The following PRDM15 variants were observed in gnomAD, a reference collection of about 807,000 sequenced individuals.
The protein encoded by PRDM15 is PR/SET domain 15, also known as PR domain zinc finger protein 15.
Under a neutral mutation model 128.6 loss-of-function variants are expected in PRDM15, and 64 were observed. The ratio of observed to expected loss-of-function variants is 0.50; its 90% CI spans 0.41 to 0.61. The LOEUF is 0.61. Ranked by LOEUF, PRDM15 falls within the 20% of genes least tolerant of loss-of-function variation. The pLI is 0.00. For missense variants in PRDM15, 1,242 were observed against 1,569.1 expected (o/e 0.79, Z 3.52); for synonymous variants, 615 against 621.8 (o/e 0.99, Z 0.16).
At chr21:41,816,283 T>C (rs2062049445) in intron 18 of PRDM15, among the ~76,000 whole-genome samples, 1 of 152,208 alleles carries the variant, frequency 6.6e-6, no homozygotes, top group South Asian at 2.1e-4. Context: ...CTTAAGAAGC[T>C]GAAATACTCC....
chr21:41,845,355 G>A (rs926551713), intron 6 of PRDM15, among the ~76,000 whole-genome samples: 5 of 145,598 alleles, frequency 3.4e-5, no homozygotes, highest in Non-Finnish European at 7.5e-5. Context: ...CCCGTTCACA[G>A]GCCGGCCTTT....
chr21:41,875,573 C>G (rs376712450), intron 1 of PRDM15, among the ~76,000 whole-genome samples: 5 of 152,236 alleles, frequency 3.3e-5, no homozygotes, highest in African/African-American at 7.2e-5. Flanking sequence ...AATCTAGGCA[C>G]GGTGACGTGA....
chr21:41,827,983 C>T (rs2062528086), intron 12 of PRDM15, among the ~76,000 whole-genome samples, 183 bp downstream of exon 12: 1 of 152,200 alleles, frequency 6.6e-6, no homozygotes, highest in Non-Finnish European at 1.5e-5. Context: ...GTCTCAGCAA[C>T]TTACTCTCCT....
rs758903676 is a variant in PRDM15 at position 41,815,862 on chromosome 21, C to T, written c.2261-26G>A. 7.5e-6 allele frequency: 12 copies of T among 1,609,356 alleles called. No individual in the cohort carries two copies. The Middle Eastern group carries it at 5.0e-4, about 66-fold the overall frequency. ...CTTCAAGGACACAGCGAGTCAGAGG[C>T]GGCCACACCCCCACGCAGCCCACCT... On this transcript the variant is annotated intron_variant, in intron 18 of 23. Transcript: ENST00000398548.
intron 19 of PRDM15, chr21:41,812,075 G>C (rs1301576777): frequency 6.6e-6 from 1 of 152,194 alleles, no homozygotes; most frequent in African/African-American, 2.4e-5. Flanking sequence ...ACCAGAGGTG[G>C]CAATTGCTCC....
At chr21:41,833,638 G>A (rs886558423) in intron 11 of PRDM15, among the ~76,000 whole-genome samples, 5 of 152,144 alleles carry the variant, frequency 3.3e-5, no homozygotes, top group African/African-American at 4.8e-5. Context: ...AGTCTAAAAC[G>A]GGTAACCTTT....
rs542333255 is a variant in PRDM15, at chr21:41,849,138, A to T, written c.539-1947T>A. Among the ~76,000 whole-genome samples, 8 of 152,264 alleles carry T rather than the reference A, an allele frequency of 5.3e-5. No individual in the cohort carries two copies. In the South Asian group the frequency reaches 1.7e-3, roughly 31 times the overall value. Reference sequence around the variant, plus strand: ...AACAAACAAACAAAAAAGGAACAGCAAAGCTACAGCACAGCAAACAGCCTG... The same window carrying T: ...AACAAACAAACAAAAAAGGAACAGCTAAGCTACAGCACAGCAAACAGCCTG... On this transcript the variant is annotated intron_variant, in intron 5 of 23. Coordinates refer to ENST00000398548, the MANE Select transcript of PRDM15 (RefSeq NM_001040424.3).
chr21:41,877,767 G>C (rs936934672), intron 1 of PRDM15, among the ~76,000 whole-genome samples: 3 of 152,192 alleles, frequency 2.0e-5, no homozygotes, highest in South Asian at 4.1e-4. Flanking sequence ...TTGTCTTCTG[G>C]AGAAATAACC....
chr21:41,847,033 C>T, intron 6 of PRDM15, 57 bp downstream of exon 6: 1 of 1,182,360 alleles, frequency 8.5e-7, no homozygotes. Context: ...CAGCGTAAGT[C>T]AGAGAGAAAT....
chr21:41,842,548 G>C (rs1309384285), intron 6 of PRDM15, among the ~76,000 whole-genome samples: 1 of 152,180 alleles, frequency 6.6e-6, no homozygotes, highest in Non-Finnish European at 1.5e-5. Flanking sequence ...CTGGAGTGCA[G>C]TGTGCGATCT....
chr21:41,801,602 C>T lies in PRDM15; in HGVS notation c.3064G>A (p.Val1022Met). 4 of 1,614,152 alleles carry T rather than the reference C, an allele frequency of 2.5e-6. No individual in the cohort carries two copies. The highest frequency in any genetic ancestry group is 3.4e-6 in the Non-Finnish European group (4 of 1,180,036). The change falls in exon 24 of 24, where the codon GTG (valine) becomes ATG (methionine). Residue 1022 changes from valine (V) to methionine (M), a missense_variant. Physicochemically the swap from Val to Met is conservative, Grantham distance 21. Coordinates refer to ENST00000398548, the MANE Select transcript of PRDM15 (RefSeq NM_001040424.3). ...GGGGTGGTAAGGTGCCCCACGGCCA[C>T]CGGCTGGAGATTGGTAAACTGAGTC... ...AATQFTNLQP[V>M]AVGHLTTPER...
intron 21 of PRDM15, among the ~76,000 whole-genome samples, chr21:41,805,997 C>CCAT (rs1555856523): frequency 2.6e-5 from 2 of 76,758 alleles, no homozygotes; most frequent in East Asian, 7.8e-4. Flanking sequence ...ATCACCACCA[C>CCAT]CACCACCATC....
In PRDM15 at chr21:41,806,421, CCACCATCACCACCACCACCAT is replaced by C. The variant is rs2061636155; in HGVS notation, c.2653-1828_2653-1808del. 2.3e-4 allele frequency among the ~76,000 whole-genome samples: 11 copies of C among 48,306 alleles called. 2 individuals are homozygous for C. Among genetic ancestry groups the C allele is most frequent in the Admixed American group, 9.2e-4 (4 of 4,348 alleles). 31.7% of individuals were successfully genotyped at this position (48,306 alleles called of 152,430 possible). On this transcript the variant is annotated intron_variant, in intron 21 of 23. Coordinates refer to ENST00000398548, the MANE Select transcript of PRDM15 (RefSeq NM_001040424.3). Reference sequence around the variant, plus strand: ...ACCACCACCACCACCATCACCACCACCACCATCACCACCACCACCATCACCACCACCCATCACCATCACCAC... The same window carrying C: ...ACCACCACCACCACCATCACCACCACCACCACCACCCATCACCATCACCAC...
chr21:41,804,632 C>A lies in PRDM15; in HGVS notation c.2653-18G>T. Reference sequence around the variant, plus strand: ...GCGAGCACCTATGAGGAGCACAGGGCATGAGCTGGGGGTCAGGGTGCTGCT... The same window carrying A: ...GCGAGCACCTATGAGGAGCACAGGGAATGAGCTGGGGGTCAGGGTGCTGCT... On this transcript the variant is annotated intron_variant, in intron 21 of 23. Transcript: ENST00000398548. The A allele has an allele frequency of 6.5e-7, 1 of 1,538,118 alleles. No homozygotes were observed. The highest frequency in any genetic ancestry group is 8.8e-7 in the Non-Finnish European group (1 of 1,141,942).
chr21:41,836,592 G>A lies in PRDM15; in HGVS notation c.1059C>T (p.Ser353=). 1 of 1,613,308 alleles carries A rather than the reference G, an allele frequency of 6.2e-7. No homozygotes were observed. Residue 353 remains serine (S), a synonymous_variant, in exon 9 of 24, where the codon AGC becomes AGT. Coordinates refer to ENST00000398548, the MANE Select transcript of PRDM15 (RefSeq NM_001040424.3). ...TGAGCTTGCGCCGGATGCCGTGTCT[G>A]CTTGAGAGAATTAAGCTCCTCTTGA... ...ITLKRSLILS[S]RHGIRRKLIK...
chr21:41,845,589 T>C (rs1216730339), intron 6 of PRDM15, among the ~76,000 whole-genome samples: 1 of 151,944 alleles, frequency 6.6e-6, no homozygotes, highest in Admixed American at 6.5e-5. Flanking sequence ...CAGGGACTCC[T>C]GCCTCTGTTT....
In PRDM15 at chr21:41,861,987, C is replaced by T. The variant is rs748278229; in HGVS notation, c.-9-1615G>A. 11 of 1,612,990 alleles carry T rather than the reference C, an allele frequency of 6.8e-6. No homozygotes were observed. The African/African-American group carries it at 8.0e-5, about 12-fold the overall frequency. On this transcript the variant is annotated intron_variant, in intron 1 of 23. Transcript: ENST00000398548. Reference sequence around the variant, plus strand: ...TGTGACTCAGTTTCATAGCCGCATTCGGCCTTGCCTGCCCCAGTTCCTGTG... The same window carrying T: ...TGTGACTCAGTTTCATAGCCGCATTTGGCCTTGCCTGCCCCAGTTCCTGTG...
At position 41,803,656 on chromosome 21, in the gene PRDM15, C is replaced by T. The variant is rs181423159; in HGVS notation, c.2734-735G>A. On this transcript the variant is annotated intron_variant, in intron 22 of 23. Transcript: ENST00000398548. Reference sequence around the variant, plus strand: ...GCTGTCATGGTGGGACGACCCGTCCCCCCCATGCCTGTGACTTGCCAAGGG... The same window carrying T: ...GCTGTCATGGTGGGACGACCCGTCCTCCCCATGCCTGTGACTTGCCAAGGG... Among the ~76,000 whole-genome samples the T allele has an allele frequency of 1.2e-4, 18 of 152,294 alleles. No individual in the cohort carries two copies. The East Asian group carries it at 3.5e-3, about 29-fold the overall frequency.
intron 6 of PRDM15, among the ~76,000 whole-genome samples, chr21:41,840,158 A>T (rs1415301105): frequency 6.6e-6 from 1 of 152,216 alleles, no homozygotes; most frequent in Non-Finnish European, 1.5e-5. Flanking sequence ...TCAAAATATG[A>T]ATGTGTCCAG....
Sources: allele counts gnomAD v4.1 joint callset (sites outside exome capture counted in the v4.1 genomes callset), GRCh38; gene constraint gnomAD v4.1.1; transcripts MANE v1.5; gene names NCBI Gene and HGNC (gene_info 2026-07-23, HGNC 2026-07-21).